Variants in PTPRM observed in about 807,000 individuals in gnomAD.
The protein encoded by PTPRM is protein tyrosine phosphatase receptor type M.
Under a neutral mutation model 186.7 loss-of-function variants are expected in PTPRM, and 47 were observed. That is an observed-to-expected ratio of 0.25 (90% CI 0.20 to 0.32). The LOEUF (loss-of-function observed/expected upper bound fraction) is 0.32. Ranked by LOEUF, PTPRM falls within the 10% of genes least tolerant of loss-of-function variation. The pLI, the probability that PTPRM is intolerant of heterozygous loss-of-function variation, is 1.00. For synonymous variants in PTPRM, 668 were observed against 674.9 expected, an observed-to-expected ratio of 0.99 and a Z score of 0.16; for missense variants, 1,494 against 1,865.0, an observed-to-expected ratio of 0.80 and a Z score of 3.66.
At chr18:8,297,044 G>A (rs148531748) in intron 20 of PTPRM, among the ~76,000 whole-genome samples, 3 of 152,146 alleles carry the variant, frequency 2.0e-5, no homozygotes, top group East Asian at 1.9e-4. Flanking sequence ...TTTCTAAGTC[G>A]AGCCCAGCCT....
intron 1 of PTPRM, among the ~76,000 whole-genome samples, chr18:7,772,995 A>C (rs1275683835): frequency 6.6e-6 from 1 of 152,192 alleles, no homozygotes; most frequent in African/African-American, 2.4e-5. Context: ...ATACTATAAA[A>C]AGTAACAGGA....
chr18:8,045,847 A>G (rs899800328), intron 7 of PTPRM, among the ~76,000 whole-genome samples: 1 of 152,230 alleles, frequency 6.6e-6, no homozygotes. Flanking sequence ...AAGATGTTGA[A>G]AAAAGGGACT....
intron 7 of PTPRM, among the ~76,000 whole-genome samples, chr18:8,063,651 T>G (rs901294746): frequency 2.6e-5 from 4 of 152,174 alleles, no homozygotes; most frequent in African/African-American, 9.7e-5. Flanking sequence ...TTTTATGGAT[T>G]TAGGGGTACA....
At chr18:8,080,012 TG>T (rs1192576155) in intron 9 of PTPRM, among the ~76,000 whole-genome samples, 1 of 152,180 alleles carries the variant, frequency 6.6e-6, no homozygotes, top group African/African-American at 2.4e-5. Flanking sequence ...TGTAAGTATA[TG>T]GTAAAGTACC....
At chr18:7,894,053 T>G (rs887650298) in intron 3 of PTPRM, among the ~76,000 whole-genome samples, 2 of 152,074 alleles carry the variant, frequency 1.3e-5, no homozygotes, top group Non-Finnish European at 2.9e-5. Flanking sequence ...AGCTCTGAAG[T>G]TGAGCCAGGG....
At chr18:7,782,323 G>A (rs139138874) in intron 2 of PTPRM, among the ~76,000 whole-genome samples, 13 of 151,930 alleles carry the variant, frequency 8.6e-5, no homozygotes, top group African/African-American at 1.2e-4. Flanking sequence ...CTGGGATTAC[G>A]TTTCATGTTA....
chr18:8,233,220 G>A (rs922662359), intron 14 of PTPRM, among the ~76,000 whole-genome samples: 1 of 152,232 alleles, frequency 6.6e-6, no homozygotes, highest in African/African-American at 2.4e-5. Context: ...GATTACAGGC[G>A]TAAGCCACTG....
chr18:7,568,700 G>A lies in PTPRM; in HGVS notation c.73+809G>A, dbSNP rs1364950026. On this transcript the variant is annotated intron_variant, in intron 1 of 32. Transcript: ENST00000580170. The surrounding 1 kb of genome is among the most constrained non-coding windows in gnomAD (Gnocchi z 5.1). ...GGAAGGAGAGGCACTGGCGGTGTGC[G>A]AGCAAGCGTGTGAGTGTGTGCGCGT... Among the ~76,000 whole-genome samples, 1 of 152,170 alleles carries A rather than the reference G, an allele frequency of 6.6e-6. No homozygotes were observed. Among genetic ancestry groups the A allele is most frequent in the East Asian group, 1.9e-4 (1 of 5,154 alleles).
At chr18:8,247,798 T>C (rs1328082092) in intron 15 of PTPRM, 47 bp from the exon 16 acceptor site, 15 of 1,371,956 alleles carry the variant, frequency 1.1e-5, no homozygotes, top group Non-Finnish European at 1.6e-5. Flanking sequence ...GTGTTCAGAG[T>C]GTATTACCTC....
At chr18:8,094,243 C>T (rs1465058275) in intron 11 of PTPRM, among the ~76,000 whole-genome samples, 1 of 152,128 alleles carries the variant, frequency 6.6e-6, no homozygotes, top group South Asian at 2.1e-4. Flanking sequence ...TGCAGTGGCC[C>T]ATGACTGTAA....
intron 19 of PTPRM, among the ~76,000 whole-genome samples, chr18:8,274,241 C>T (rs890711026): frequency 6.6e-6 from 1 of 152,106 alleles, no homozygotes; most frequent in African/African-American, 2.4e-5. Context: ...TTAATGTTGA[C>T]CCCTTAGCCA....
chr18:8,099,653 A>G (rs1253433191), intron 11 of PTPRM, among the ~76,000 whole-genome samples: 2 of 152,204 alleles, frequency 1.3e-5, no homozygotes, highest in African/African-American at 4.8e-5. Flanking sequence ...TGAATGGAGC[A>G]GGCTGTGCTC....
intron 1 of PTPRM, among the ~76,000 whole-genome samples, chr18:7,588,959 C>G (rs1029332397): frequency 2.6e-5 from 4 of 152,166 alleles, no homozygotes; most frequent in African/African-American, 9.7e-5. Context: ...CAGTGATCCT[C>G]CTGCCTCAGC....
intron 2 of PTPRM, among the ~76,000 whole-genome samples, chr18:7,845,189 A>C (rs527718077): frequency 4.3e-4 from 65 of 152,270 alleles, no homozygotes; most frequent in African/African-American, 1.5e-3. Context: ...GGAATTCATG[A>C]TCTATCATAG....
intron 9 of PTPRM, among the ~76,000 whole-genome samples, chr18:8,078,911 G>A (rs1012010446): frequency 6.6e-6 from 1 of 152,144 alleles, no homozygotes; most frequent in Non-Finnish European, 1.5e-5. Flanking sequence ...AGCCGTTCAC[G>A]AAGGTTCTGC....
rs185679840 is a variant in PTPRM, at chr18:7,960,410, A to G, written c.1132+4996A>G. Among the ~76,000 whole-genome samples the G allele has an allele frequency of 7.5e-3, 1,121 of 150,156 alleles. 6 individuals carry two copies. Among genetic ancestry groups the G allele is most frequent in the South Asian group, 0.028 (133 of 4,706 alleles). On this transcript the variant is annotated intron_variant, in intron 7 of 32. Coordinates refer to ENST00000580170, the MANE Select transcript of PTPRM (RefSeq NM_001105244.2). ...GACAAGATTTCTGTCTTCAGAACTTATATATTTTGGGGTACTGGAGGAAGG... is the reference window on the plus strand; with the variant it reads ...GACAAGATTTCTGTCTTCAGAACTTGTATATTTTGGGGTACTGGAGGAAGG...
At chr18:7,892,588 TTAAG>T (rs2049136116) in intron 3 of PTPRM, among the ~76,000 whole-genome samples, 1 of 152,214 alleles carries the variant, frequency 6.6e-6, no homozygotes, top group Non-Finnish European at 1.5e-5. Context: ...ATTTGCCAAA[TTAAG>T]TTAGAAGTTT....
chr18:8,078,767 A>G (rs1282767818), intron 9 of PTPRM, among the ~76,000 whole-genome samples: 1 of 152,180 alleles, frequency 6.6e-6, no homozygotes, highest in African/African-American at 2.4e-5. Context: ...GAACCTTATG[A>G]ATGTGGCAGA....
intron 1 of PTPRM, among the ~76,000 whole-genome samples, chr18:7,760,727 A>G (rs2041731132): frequency 6.6e-6 from 1 of 152,250 alleles, no homozygotes; most frequent in Admixed American, 6.5e-5. Context: ...AAACACACAC[A>G]TATATGCAGA....
Sources: gnomAD v4.1 joint callset for allele counts (sites outside exome capture counted in the v4.1 genomes callset) on GRCh38, gnomAD v4.1.1 for gene constraint, Gnocchi (gnomAD v3.1) non-coding constraint, MANE v1.5 for transcripts, NCBI Gene and HGNC (gene_info 2026-07-23, HGNC 2026-07-21) for gene names.